Variants in PRPSAP2 observed in about 807,000 individuals in gnomAD.
PRPSAP2 encodes the protein phosphoribosyl pyrophosphate synthase-associated protein 2.
PRPSAP2 carries 24 observed loss-of-function variants against 40.6 expected under a neutral mutation model. The ratio of observed to expected loss-of-function variants is 0.59; its 90% CI spans 0.43 to 0.83. The LOEUF (loss-of-function observed/expected upper bound fraction) is 0.83. Among genes scored for constraint, PRPSAP2 ranks in the 40% least tolerant of loss-of-function variants. PRPSAP2 has a pLI of 0.00. For synonymous variants in PRPSAP2, 149 were observed against 164.7 expected, an observed-to-expected ratio of 0.90 and a Z score of 0.73; for missense variants, 292 against 465.6, an observed-to-expected ratio of 0.63 and a Z score of 3.43.
intron 1 of PRPSAP2, among the ~76,000 whole-genome samples, chr17:18,864,455 A>T (rs2037285195): frequency 1.3e-5 from 2 of 151,920 alleles, no homozygotes; most frequent in South Asian, 4.2e-4. Context: ...CACCACGCCC[A>T]GCTCATTTTT....
At chr17:18,867,420 G>A (rs2305064) in intron 4 of PRPSAP2, 86 bp downstream of exon 4, 763,101 of 1,452,732 alleles carry the variant, frequency 0.53, 203,544 homozygotes, top group Middle Eastern at 0.59. Context: ...CTATTGAAAC[G>A]ATTTGATTCA....
At position 18,872,663 on chromosome 17, in the gene PRPSAP2, A is replaced by G. The variant is rs2037977561; in HGVS notation, c.239+14A>G. On this transcript the variant is annotated intron_variant, in intron 5 of 11. Transcript: ENST00000268835. ...AACTGTTTCGAAGTGAGTATCCAGC[A>G]AAAGTGTTGCTTTCTGGGTTTCAGT... 1.3e-6 allele frequency: 2 copies of G among 1,568,764 alleles called. No individual in the cohort carries two copies. Among genetic ancestry groups the G allele is most frequent in the Non-Finnish European group, 1.8e-6 (2 of 1,140,042 alleles).
chr17:18,866,505 G>A (rs773093855), intron 3 of PRPSAP2, among the ~76,000 whole-genome samples: 3 of 152,142 alleles, frequency 2.0e-5, no homozygotes, highest in Non-Finnish European at 4.4e-5. Context: ...GTTGCAGTGA[G>A]CTGAGATTGC....
chr17:18,865,232 C>T (rs532511900), intron 1 of PRPSAP2, among the ~76,000 whole-genome samples: 4 of 151,962 alleles, frequency 2.6e-5, no homozygotes, highest in Admixed American at 6.6e-5. Flanking sequence ...TTTGGGTGGT[C>T]GCTTAAGTGT....
At chr17:18,897,067 CACCTCAGCCTCCCAAGT>C (rs946820640) in intron 8 of PRPSAP2, among the ~76,000 whole-genome samples, 15 of 152,104 alleles carry the variant, frequency 9.9e-5, no homozygotes, top group African/African-American at 3.6e-4. Context: ...TCAGGTGATC[CACCTCAGCCTCCCAAGT>C]AGCTGAGACC....
At chr17:18,898,800 C>G (rs2040077783) in intron 8 of PRPSAP2, among the ~76,000 whole-genome samples, 1 of 152,164 alleles carries the variant, frequency 6.6e-6, no homozygotes, top group African/African-American at 2.4e-5. Context: ...ATTTGGGAAG[C>G]TTTCAGCCAT....
chr17:18,897,129 TG>T (rs1307882473), intron 8 of PRPSAP2, among the ~76,000 whole-genome samples: 1 of 151,838 alleles, frequency 6.6e-6, no homozygotes, highest in Non-Finnish European at 1.5e-5. Flanking sequence ...CTAATTCTCA[TG>T]TTTTTTTTGT....
chr17:18,894,947 A>G (rs1282553178), intron 8 of PRPSAP2, among the ~76,000 whole-genome samples: 2 of 152,226 alleles, frequency 1.3e-5, no homozygotes, highest in East Asian at 3.8e-4. Flanking sequence ...TTAAATCTGT[A>G]GATCAGATTG....
Position 18,892,745 on chromosome 17 carries a change from A to ATTTAT in PRPSAP2, c.584+2871_584+2872insATTTT, listed in dbSNP as rs57347460. The stretch of plus-strand genomic sequence containing the variant: ...TGTGTGTGTATTTATTTATTTATTT[A>ATTTAT]TTTTTTTGAGACAGAGTCTCGCTCT... On this transcript the variant is annotated intron_variant, in intron 8 of 11. Transcript: ENST00000268835. 5.2e-3 allele frequency among the ~76,000 whole-genome samples: 660 copies of ATTTAT among 125,740 alleles called. 12 individuals carry two copies. Among genetic ancestry groups the ATTTAT allele is most frequent in the Middle Eastern group, 7.6e-3 (2 of 264 alleles). 82.5% of individuals were successfully genotyped at this position (125,740 alleles called of 152,430 possible).
intron 8 of PRPSAP2, among the ~76,000 whole-genome samples, chr17:18,901,261 T>C (rs1298299766): frequency 6.6e-6 from 1 of 152,356 alleles, no homozygotes; most frequent in Admixed American, 6.5e-5. Flanking sequence ...TTGGGTCGCT[T>C]CTTCTCCAGC....
At chr17:18,877,630 A>G in intron 5 of PRPSAP2, 68 bp from the exon 6 acceptor site, 1 of 1,452,784 alleles carries the variant, frequency 6.9e-7, no homozygotes, top group Non-Finnish European at 9.3e-7. Flanking sequence ...CACACTGCTG[A>G]CACTTTTTGG....
At chr17:18,923,470 G>A (rs2041812190) in intron 9 of PRPSAP2, among the ~76,000 whole-genome samples, 1 of 151,928 alleles carries the variant, frequency 6.6e-6, no homozygotes, top group African/African-American at 2.4e-5. Context: ...CTGATTTTGT[G>A]TGTTGATTTT....
At position 18,869,049 on chromosome 17, in the gene PRPSAP2, C is replaced by G. The variant is rs553973326; in HGVS notation, c.172+1715C>G. On this transcript the variant is annotated intron_variant, in intron 4 of 11. Transcript: ENST00000268835. ...AAGGAGAGTTTGGAGAAGATTCTTC[C>G]TCTAGAGGGGATTGAATGATGTTCT... Among the ~76,000 whole-genome samples, 163 of 152,144 alleles carry G rather than the reference C, an allele frequency of 1.1e-3. 1 individual carries two copies. Among genetic ancestry groups the G allele is most frequent in the African/African-American group, 3.9e-3 (161 of 41,494 alleles).
chr17:18,856,380 A>T (rs554168975), upstream of PRPSAP2: 1 of 152,256 alleles, frequency 6.6e-6, no homozygotes, highest in Non-Finnish European at 1.5e-5. Context: ...ATGCCAGCGC[A>T]GAAGGGACGT....
intron 11 of PRPSAP2, among the ~76,000 whole-genome samples, chr17:18,930,264 C>A (rs1411084825): frequency 6.6e-6 from 1 of 152,098 alleles, no homozygotes; most frequent in Admixed American, 6.6e-5. Flanking sequence ...TCCCAGCTTA[C>A]TTGGGAGGCT....
At chr17:18,890,021 T>C in intron 8 of PRPSAP2, 144 bp downstream of exon 8, 1 of 548,146 alleles carries the variant, frequency 1.8e-6, no homozygotes, top group Non-Finnish European at 3.0e-6. Flanking sequence ...TTAAGATTGT[T>C]CTGTCAACTC....
chr17:18,866,027 ATTG>A (rs2037399462), intron 3 of PRPSAP2, 75 bp downstream of exon 3: 1 of 1,087,928 alleles, frequency 9.2e-7, no homozygotes, highest in African/African-American at 1.6e-5. Context: ...ATTAGCAGTT[ATTG>A]TTAAATTTGA....
intron 8 of PRPSAP2, 70 bp downstream of exon 8, chr17:18,889,947 A>G: frequency 3.6e-6 from 5 of 1,387,116 alleles, no homozygotes; most frequent in Non-Finnish European, 4.9e-6. Context: ...AGTTCCAGGC[A>G]TTCTAATTTG....
chr17:18,911,167 G>T lies in PRPSAP2; in HGVS notation c.649G>T (p.Ala217Ser). 6.2e-7 allele frequency: 1 copy of T among 1,614,028 alleles called. No homozygotes were observed. Among genetic ancestry groups the T allele is most frequent in the Non-Finnish European group, 8.5e-7 (1 of 1,179,934 alleles). The part of the protein sequence containing the change: ...IAVIHGEAQD[A>S]ESDLVDGRHS... ...AGTGATTCATGGAGAGGCGCAGGAT[G>T]CCGAGTCGGACTTGGTGGATGGACG... Residue 217 changes from alanine to serine, a missense_variant, in exon 9 of 12, where the codon GCC (alanine) becomes TCC (serine). Transcript: ENST00000268835. The surrounding 1 kb of genome is among the most constrained non-coding windows in gnomAD (Gnocchi z 4.5).
Sources: gnomAD v4.1 joint callset for allele counts (sites outside exome capture counted in the v4.1 genomes callset) on GRCh38, gnomAD v4.1.1 for gene constraint, Gnocchi (gnomAD v3.1) non-coding constraint, MANE v1.5 for transcripts, NCBI Gene and HGNC (gene_info 2026-07-23, HGNC 2026-07-21) for gene names.